The following TBC1D4 variants were observed in gnomAD, a reference collection of about 807,000 sequenced individuals.
The protein encoded by TBC1D4 is TBC1 domain family member 4, also known as TBC (Tre-2, BUB2, CDC16) domain-containing protein.
A neutral mutation model predicts 142.5 loss-of-function variants in TBC1D4; 121 were observed. The ratio of observed to expected loss-of-function variants is 0.85; its 90% confidence interval spans 0.73 to 0.99. TBC1D4 has a LOEUF of 0.99. TBC1D4 is among the 50% of genes least tolerant of loss of function. The pLI is 0.00. For missense variants in TBC1D4, 1,475 were observed against 1,606.6 expected (o/e 0.92, Z 1.40); for synonymous variants, 630 against 628.2 (o/e 1.00, Z -0.04).
At chr13:75,296,253 AC>A (rs1208943883) in intron 17 of TBC1D4, among the ~76,000 whole-genome samples, 2 of 152,190 alleles carry the variant, frequency 1.3e-5, no homozygotes, top group Non-Finnish European at 2.9e-5. Context: ...TTGAAAAAAA[AC>A]ATACATTTCC....
intron 1 of TBC1D4, among the ~76,000 whole-genome samples, chr13:75,391,197 C>CAT (rs1276002988): frequency 7.5e-6 from 1 of 132,614 alleles, no homozygotes; most frequent in Admixed American, 7.1e-5. Flanking sequence ...CATCAGTTTA[C>CAT]ACACACACAC....
At chr13:75,322,047 T>A (rs934965434) in intron 11 of TBC1D4, among the ~76,000 whole-genome samples, 1 of 152,190 alleles carries the variant, frequency 6.6e-6, no homozygotes, top group African/African-American at 2.4e-5. Flanking sequence ...TGGGAGAAGT[T>A]GCAGGCATGC....
chr13:75,360,326 G>C (rs1005401212), intron 2 of TBC1D4, among the ~76,000 whole-genome samples: 1 of 151,940 alleles, frequency 6.6e-6, no homozygotes, highest in African/African-American at 2.4e-5. Flanking sequence ...ACTAAAAAAA[G>C]AACAAATCTG....
At position 75,409,779 on chromosome 13, in the gene TBC1D4, T is replaced by A. The variant is rs116559496; in HGVS notation, c.499-47172A>T. 1.8e-3 allele frequency among the ~76,000 whole-genome samples: 276 copies of A among 152,350 alleles called. 1 individual carries two copies. Among genetic ancestry groups the A allele is most frequent in the African/African-American group, 6.4e-3 (265 of 41,586 alleles). On this transcript the variant is annotated intron_variant, in intron 1 of 20. Coordinates refer to ENST00000377636, the MANE Select transcript of TBC1D4 (RefSeq NM_014832.5). ...ATCCCAGCTTCTCTTTAGACATGTA[T>A]GTAATTTCAATTAATAAATTTAGCG...
chr13:75,408,761 G>A (rs963382333), intron 1 of TBC1D4, among the ~76,000 whole-genome samples: 1 of 152,048 alleles, frequency 6.6e-6, no homozygotes, highest in African/African-American at 2.4e-5. Context: ...TATTATAGCT[G>A]TTCTGGTGGG....
intron 1 of TBC1D4, among the ~76,000 whole-genome samples, chr13:75,384,771 A>C (rs1382206329): frequency 1.3e-5 from 2 of 152,310 alleles, no homozygotes; most frequent in East Asian, 3.9e-4. Flanking sequence ...CAACTCTGAA[A>C]TAAACAAACA....
At chr13:75,433,227 C>T (rs1481933810) in intron 1 of TBC1D4, among the ~76,000 whole-genome samples, 1 of 152,146 alleles carries the variant, frequency 6.6e-6, no homozygotes, top group African/African-American at 2.4e-5. Context: ...CATTCCTCAG[C>T]CTTATTCTCT....
intron 1 of TBC1D4, among the ~76,000 whole-genome samples, chr13:75,460,328 A>T (rs560210509): frequency 7.9e-5 from 12 of 152,222 alleles, no homozygotes; most frequent in Non-Finnish European, 1.2e-4. Flanking sequence ...GGAAGCACAA[A>T]GGAAGGAACA....
At chr13:75,406,456 C>T (rs1406839954) in intron 1 of TBC1D4, among the ~76,000 whole-genome samples, 1 of 152,164 alleles carries the variant, frequency 6.6e-6, no homozygotes, top group Admixed American at 6.5e-5. Context: ...CGGCACATTG[C>T]ATGGTTTTGT....
intron 1 of TBC1D4, among the ~76,000 whole-genome samples, chr13:75,480,873 G>GCACACACACACA (rs71657792): frequency 5.1e-5 from 5 of 98,886 alleles, no homozygotes; most frequent in African/African-American, 1.4e-4. Context: ...GCGCGCACAC[G>GCACACACACACA]CACGCACACA....
At chr13:75,324,443 TTGACAAAA>T in intron 10 of TBC1D4, 42 bp from the exon 11 acceptor site, 1 of 1,607,854 alleles carries the variant, frequency 6.2e-7, no homozygotes, top group Non-Finnish European at 8.5e-7. Context: ...AATTTATATT[TTGACAAAA>T]TCTTCATTCA....
chr13:75,416,548 G>A (rs9600465), intron 1 of TBC1D4, among the ~76,000 whole-genome samples: 2 of 151,818 alleles, frequency 1.3e-5, no homozygotes, highest in African/African-American at 4.8e-5. Flanking sequence ...AGACAAAGAC[G>A]ACCCAGGCAT....
rs145235278 is a variant in TBC1D4 at position 75,465,985 on chromosome 13, C to T, written c.498+15285G>A. 8.5e-4 allele frequency among the ~76,000 whole-genome samples: 130 copies of T among 152,318 alleles called. 2 individuals are homozygous for T. Among genetic ancestry groups the T allele is most frequent in the African/African-American group, 2.7e-3 (113 of 41,570 alleles). On this transcript the variant is annotated intron_variant, in intron 1 of 20. Coordinates refer to ENST00000377636, the MANE Select transcript of TBC1D4 (RefSeq NM_014832.5). ...GTCCTGTTTTTCCAGACTGAACCAACGTACATCTCACCTGTATCGACTGAT... is the reference window on the plus strand; with the variant it reads ...GTCCTGTTTTTCCAGACTGAACCAATGTACATCTCACCTGTATCGACTGAT...
intron 1 of TBC1D4, among the ~76,000 whole-genome samples, chr13:75,460,096 T>C (rs902938755): frequency 2.0e-5 from 3 of 151,974 alleles, no homozygotes; most frequent in Non-Finnish European, 4.4e-5. Flanking sequence ...TGAGCCGAGA[T>C]CGCGCCACTG....
At chr13:75,361,123 A>C (rs1347338579) in intron 2 of TBC1D4, among the ~76,000 whole-genome samples, 2 of 152,220 alleles carry the variant, frequency 1.3e-5, no homozygotes, top group African/African-American at 4.8e-5. Flanking sequence ...ACATTCAAAA[A>C]TGTTTAGAAT....
intron 1 of TBC1D4, among the ~76,000 whole-genome samples, chr13:75,471,270 A>C (rs978123663): frequency 3.3e-5 from 5 of 152,334 alleles, no homozygotes; most frequent in Admixed American, 2.0e-4. Context: ...CTATGTTATA[A>C]CTAATGTACT....
At chr13:75,374,112 C>T (rs566700474) in intron 1 of TBC1D4, among the ~76,000 whole-genome samples, 6 of 152,086 alleles carry the variant, frequency 3.9e-5, no homozygotes, top group Admixed American at 2.0e-4. Context: ...TGAAACATCA[C>T]CATATTGCTT....
At chr13:75,465,939 T>C (rs1483174920) in intron 1 of TBC1D4, among the ~76,000 whole-genome samples, 1 of 152,188 alleles carries the variant, frequency 6.6e-6, no homozygotes, top group African/African-American at 2.4e-5. Context: ...ACCTGTGACC[T>C]GGAAGCCCCC....
At chr13:75,376,647 T>TCATTTTTGA (rs1883529160) in intron 1 of TBC1D4, among the ~76,000 whole-genome samples, 2 of 152,160 alleles carry the variant, frequency 1.3e-5, no homozygotes, top group African/African-American at 4.8e-5. Context: ...CCTCCCAAAG[T>TCATTTTTGA]TCTGGGATTA....
Sources: gnomAD v4.1 joint callset for allele counts (sites outside exome capture counted in the v4.1 genomes callset) on GRCh38, gnomAD v4.1.1 for gene constraint, MANE v1.5 for transcripts, NCBI Gene and HGNC (gene_info 2026-07-23, HGNC 2026-07-21) for gene names.